ANK2: variants seen among roughly 807,000 people sequenced by gnomAD.
ANK2 encodes the protein ankyrin 2.
A neutral mutation model predicts 360.5 loss-of-function variants in ANK2; 83 were observed. The ratio of observed to expected loss-of-function variants is 0.23; its 90% CI spans 0.19 to 0.28. The LOEUF (loss-of-function observed/expected upper bound fraction) is 0.28. Among genes scored for constraint, ANK2 ranks in the 10% least tolerant of loss-of-function variants. The pLI is 1.00. For synonymous variants in ANK2, 1,740 were observed against 1,759.5 expected (o/e 0.99, Z 0.28); for missense variants, 4,201 against 4,795.7 (o/e 0.88, Z 3.66).
At chr4:113,337,696 A>G (rs1563872519) in intron 31 of ANK2, among the ~76,000 whole-genome samples, 2 of 152,118 alleles carry the variant, frequency 1.3e-5, no homozygotes, top group Non-Finnish European at 2.9e-5. Flanking sequence ...TCTTGTAGTT[A>G]TGATAGAGAA....
intron 1 of ANK2, among the ~76,000 whole-genome samples, chr4:113,126,078 A>G (rs1562249667): frequency 6.6e-6 from 1 of 152,184 alleles, no homozygotes; most frequent in African/African-American, 2.4e-5. Context: ...GCCATTTTGA[A>G]GGAAGAAATT....
chr4:112,794,378 A>G, the ANK2 span, among the ~76,000 whole-genome samples: 1 of 152,132 alleles, frequency 6.6e-6, no homozygotes, highest in African/African-American at 2.4e-5. Flanking sequence ...TTGTTGGGAG[A>G]TAGTTGATTA....
At chr4:113,162,268 T>C (rs1358736199) in intron 1 of ANK2, among the ~76,000 whole-genome samples, 1 of 152,166 alleles carries the variant, frequency 6.6e-6, no homozygotes, top group Non-Finnish European at 1.5e-5. Flanking sequence ...CTGATGACAC[T>C]GCTTATCCTC....
chr4:113,287,684 A>C lies in ANK2; in HGVS notation c.2159A>C (p.Asp720Ala). 1.2e-6 allele frequency: 2 copies of C among 1,612,156 alleles called. No homozygotes were observed. Among genetic ancestry groups the C allele is most frequent in the East Asian group, 2.2e-5 (1 of 44,878 alleles). ...VADILTKHGA[D>A]QDAHTKLGYT... ...GATATTCTCACCAAGCATGGAGCTGATCAGGATGCTCATACAAAGGTAAAG... is the reference window on the plus strand; with the variant it reads ...GATATTCTCACCAAGCATGGAGCTGCTCAGGATGCTCATACAAAGGTAAAG... Residue 720 changes from aspartate (D) to alanine (A), a missense_variant, in exon 19 of 46, where the codon GAT becomes GCT. Coordinates refer to ENST00000357077, the MANE Select transcript of ANK2 (RefSeq NM_001148.6).
intron 30 of ANK2, 167 bp downstream of exon 30, chr4:113,336,224 T>C: frequency 1.4e-6 from 1 of 728,034 alleles, no homozygotes; most frequent in Non-Finnish European, 2.1e-6. Context: ...ACTAATCTAT[T>C]TAAAAATTCA....
At chr4:112,761,847 C>T in the ANK2 span, among the ~76,000 whole-genome samples, 1 of 152,162 alleles carries the variant, frequency 6.6e-6, no homozygotes, top group Non-Finnish European at 1.5e-5. Context: ...CTCCTATAAA[C>T]TCCTTGAAAG....
At chr4:112,967,915 A>G (rs1182735734) in intron 2 of ANK2, among the ~76,000 whole-genome samples, 1 of 152,232 alleles carries the variant, frequency 6.6e-6, no homozygotes, top group Non-Finnish European at 1.5e-5. Flanking sequence ...ATCGTCCTTC[A>G]TAAAGAAAAA....
intron 2 of ANK2, among the ~76,000 whole-genome samples, chr4:112,997,180 T>C (rs1347793793): frequency 6.6e-6 from 1 of 152,154 alleles, no homozygotes; most frequent in Non-Finnish European, 1.5e-5. Flanking sequence ...TTGTGAAATA[T>C]GTATGCACTG....
the ANK2 span, among the ~76,000 whole-genome samples, chr4:112,767,484 G>T: frequency 6.6e-6 from 1 of 151,966 alleles, no homozygotes; most frequent in African/African-American, 2.4e-5. Context: ...TCGCTTGAAT[G>T]CAGGAGATCA....
At chr4:113,032,427 G>A (rs1016490104) in intron 2 of ANK2, among the ~76,000 whole-genome samples, 3 of 151,994 alleles carry the variant, frequency 2.0e-5, no homozygotes, top group African/African-American at 7.2e-5. Context: ...TCCAGTGCCG[G>A]GTGTTCTTCA....
At chr4:113,048,911 T>C (rs2065710117), upstream of ANK2, among the ~76,000 whole-genome samples, 1 of 123,706 alleles carries the variant, frequency 8.1e-6, no homozygotes, top group Non-Finnish European at 1.6e-5. Flanking sequence ...GTTCTCCCCC[T>C]ACCCAGACAC....
chr4:112,977,755 C>T (rs533781698), intron 2 of ANK2, among the ~76,000 whole-genome samples: 17 of 151,940 alleles, frequency 1.1e-4, no homozygotes, highest in African/African-American at 2.4e-4. Context: ...CTACAGACCC[C>T]GGTATGTGAT....
intron 1 of ANK2, among the ~76,000 whole-genome samples, chr4:112,826,122 C>G (rs2058360128): frequency 6.6e-6 from 1 of 152,160 alleles, no homozygotes; most frequent in Non-Finnish European, 1.5e-5. Flanking sequence ...TTTCCATATG[C>G]AAGACCCTGT....
Position 113,370,555 on chromosome 4 carries a change from C to T in ANK2, c.11610+750C>T, listed in dbSNP as rs185579226. 9.6e-3 allele frequency among the ~76,000 whole-genome samples: 1,453 copies of T among 152,068 alleles called. 27 individuals are homozygous for T. The highest frequency in any genetic ancestry group is 0.033 in the African/African-American group (1,368 of 41,466). ...CGGGTGGATCATGAGGTCAGGAGAT[C>T]GAGACCATCCTGGCTAACATGGTGA... On this transcript the variant is annotated intron_variant, in intron 43 of 45. Coordinates refer to ENST00000357077, the MANE Select transcript of ANK2 (RefSeq NM_001148.6).
intron 2 of ANK2, among the ~76,000 whole-genome samples, chr4:113,021,966 C>T (rs898713144): frequency 1.3e-5 from 2 of 152,120 alleles, no homozygotes; most frequent in African/African-American, 4.8e-5. Context: ...GTCCATTTCC[C>T]TCTTTTTAAA....
rs544112782 is a variant in ANK2 at position 113,311,006 on chromosome 4, CTTAATA to C, written c.2549-244_2549-239del. Reference sequence around the variant, plus strand: ...AAGTAAACAACAAGGGATATCCAAACTTAATATTAAAAGAATTAAAATTCAAGTGAT... The same window carrying C: ...AAGTAAACAACAAGGGATATCCAAACTTAAAAGAATTAAAATTCAAGTGAT... On this transcript the variant is annotated intron_variant, in intron 23 of 45. Coordinates refer to ENST00000357077, the MANE Select transcript of ANK2 (RefSeq NM_001148.6). Among the ~76,000 whole-genome samples, 429 of 152,258 alleles carry C rather than the reference CTTAATA, an allele frequency of 2.8e-3. 1 individual carries two copies. Among genetic ancestry groups the C allele is most frequent in the Non-Finnish European group, 4.9e-3 (333 of 68,016 alleles).
At chr4:113,133,221 G>C (rs941375267) in intron 1 of ANK2, among the ~76,000 whole-genome samples, 4 of 152,166 alleles carry the variant, frequency 2.6e-5, no homozygotes, top group African/African-American at 9.6e-5. Context: ...GATGGAAGTC[G>C]AAAAAAGTTT....
chr4:113,171,013 C>T (rs2097922075), intron 1 of ANK2, among the ~76,000 whole-genome samples: 2 of 152,150 alleles, frequency 1.3e-5, no homozygotes, highest in African/African-American at 4.8e-5. Flanking sequence ...AGAGGATAGT[C>T]TTACATTTGT....
chr4:112,769,091 G>A, the ANK2 span, among the ~76,000 whole-genome samples: 2 of 152,220 alleles, frequency 1.3e-5, no homozygotes, highest in Non-Finnish European at 2.9e-5. Context: ...TTAGGGGACA[G>A]CTGGCTATAG....
Sources: gnomAD v4.1 joint callset for allele counts (sites outside exome capture counted in the v4.1 genomes callset) on GRCh38, gnomAD v4.1.1 for gene constraint, MANE v1.5 for transcripts, NCBI Gene and HGNC (gene_info 2026-07-23, HGNC 2026-07-21) for gene names.